Variants in DPF3 observed in about 807,000 individuals in gnomAD.
DPF3 encodes double PHD fingers 3, also known as zinc finger protein DPF3.
DPF3 carries 18 observed loss-of-function variants against 56.8 expected under a neutral mutation model. The ratio of observed to expected loss-of-function variants is 0.32; its 90% CI spans 0.22 to 0.47. The LOEUF (loss-of-function observed/expected upper bound fraction) is 0.47, where lower values mean the gene tolerates loss of function less well. DPF3 is among the 20% of genes least tolerant of loss of function. DPF3 has a pLI of 1.00. For missense variants in DPF3, 403 were observed against 488.8 expected, an observed-to-expected ratio of 0.82 and a Z score of 1.65; for synonymous variants, 188 against 180.2, an observed-to-expected ratio of 1.04 and a Z score of -0.35.
intron 1 of DPF3, among the ~76,000 whole-genome samples, chr14:72,864,059 A>G (rs995168983): frequency 2.6e-5 from 4 of 152,176 alleles, no homozygotes; most frequent in African/African-American, 7.2e-5. Context: ...ATGTTGGTCT[A>G]GGGAGTCTGG....
At chr14:72,717,857 G>T (rs1297136066) in intron 5 of DPF3, among the ~76,000 whole-genome samples, 1 of 152,178 alleles carries the variant, frequency 6.6e-6, no homozygotes, top group Non-Finnish European at 1.5e-5. Context: ...CCCAAGAACT[G>T]CCCACCCTAC....
At chr14:72,828,489 G>C (rs1883910056) in intron 1 of DPF3, among the ~76,000 whole-genome samples, 1 of 138,532 alleles carries the variant, frequency 7.2e-6, no homozygotes, top group Non-Finnish European at 1.5e-5. Context: ...AGTGAGCCAT[G>C]ATGGTGCCAC....
At position 72,731,841 on chromosome 14, in the gene DPF3, T is replaced by C; in HGVS notation, c.395A>G (p.Asp132Gly). 1.9e-6 allele frequency: 3 copies of C among 1,613,380 alleles called. No individual in the cohort carries two copies. The highest frequency in any genetic ancestry group is 2.5e-6 in the Non-Finnish European group (3 of 1,179,702). ...LRGEGVEKKV[D>G]AREEESIQEI... ...CTGGATGCTTTCCTCCTCCCTGGCATCCACCTTCTTCTCAACCCCCTCGCC... is the reference window on the plus strand; with the variant it reads ...CTGGATGCTTTCCTCCTCCCTGGCACCCACCTTCTTCTCAACCCCCTCGCC... The change falls in exon 4 of 11, where the codon GAT becomes GGT. Residue 132 changes from aspartate (D) to glycine (G), a missense_variant. This residue lies in a region of DPF3 where 340 missense variants were observed against 374.3 expected (regional missense o/e 0.91). Coordinates refer to ENST00000556509, the MANE Select transcript of DPF3 (RefSeq NM_001280542.3).
At chr14:72,839,912 A>T (rs1245799397) in intron 1 of DPF3, among the ~76,000 whole-genome samples, 1 of 152,222 alleles carries the variant, frequency 6.6e-6, no homozygotes, top group Non-Finnish European at 1.5e-5. Context: ...GCCCAGCTCC[A>T]GGTGCGATCA....
intron 1 of DPF3, among the ~76,000 whole-genome samples, chr14:72,792,079 C>A (rs1892459351): frequency 6.6e-6 from 1 of 152,228 alleles, no homozygotes; most frequent in African/African-American, 2.4e-5. Context: ...GGGGCTGGAA[C>A]ATGCCCCCCA....
chr14:72,803,043 C>T (rs1599455259), intron 1 of DPF3, among the ~76,000 whole-genome samples: 1 of 152,232 alleles, frequency 6.6e-6, no homozygotes, highest in East Asian at 1.9e-4. Flanking sequence ...AAATACAGGA[C>T]TCCCAGTTAA....
chr14:72,643,171 A>C (rs115901751), intron 8 of DPF3, among the ~76,000 whole-genome samples: 2,004 of 152,330 alleles, frequency 0.013, 40 homozygotes, highest in African/African-American at 0.046. Flanking sequence ...TGGCAACCCA[A>C]TGGCATTTCA....
intron 3 of DPF3, among the ~76,000 whole-genome samples, chr14:72,740,884 C>G (rs144938488): frequency 6.6e-6 from 1 of 152,118 alleles, no homozygotes; most frequent in Admixed American, 6.5e-5. Context: ...TCTAGGTCAT[C>G]TATAGACTGG....
chr14:72,870,066 T>C (rs17781667), intron 1 of DPF3, among the ~76,000 whole-genome samples: 22,161 of 152,152 alleles, frequency 0.15, 2,040 homozygotes, highest in South Asian at 0.22. Context: ...GGAAAAAACT[T>C]TGGACAGTTA....
chr14:72,809,613 C>T lies in DPF3; in HGVS notation c.33-37720G>A, dbSNP rs542434020. ...CTGCATGTGGCTGATGGCAGGTCCT[C>T]GGCGCCTGGTGGAAGAGAAAGGGAA... On this transcript the variant is annotated intron_variant, in intron 1 of 10. Coordinates refer to ENST00000556509, the MANE Select transcript of DPF3 (RefSeq NM_001280542.3). Among the ~76,000 whole-genome samples, 30 of 152,230 alleles carry T rather than the reference C, an allele frequency of 2.0e-4. No homozygotes were observed. In the South Asian group the frequency reaches 5.8e-3, roughly 30 times the overall value.
chr14:72,679,910 G>T (rs1233037936), intron 7 of DPF3, among the ~76,000 whole-genome samples: 1 of 152,252 alleles, frequency 6.6e-6, no homozygotes, highest in South Asian at 2.1e-4. Context: ...ATGAGAGGGT[G>T]GGGAGTAAGG....
At chr14:72,758,646 C>T (rs576577067) in intron 2 of DPF3, among the ~76,000 whole-genome samples, 9 of 152,158 alleles carry the variant, frequency 5.9e-5, no homozygotes, top group African/African-American at 1.9e-4. Context: ...CACAAGGGGG[C>T]GGAAATAGTC....
At chr14:72,737,396 G>A (rs1270882827) in intron 3 of DPF3, among the ~76,000 whole-genome samples, 1 of 152,068 alleles carries the variant, frequency 6.6e-6, no homozygotes, top group Non-Finnish European at 1.5e-5. Context: ...TGGAGCCACC[G>A]AGCTCATTAA....
At chr14:72,882,051 T>G (rs1273342870) in intron 1 of DPF3, among the ~76,000 whole-genome samples, 6 of 151,928 alleles carry the variant, frequency 3.9e-5, no homozygotes, top group South Asian at 2.1e-4. Flanking sequence ...AAGCTTTGGG[T>G]TTTTTTTCTT....
intron 8 of DPF3, among the ~76,000 whole-genome samples, chr14:72,648,569 GAA>G (rs11348282): frequency 0.12 from 11,505 of 92,988 alleles, 523 homozygotes; most frequent in Middle Eastern, 0.2. Flanking sequence ...TCTCAAAAAA[GAA>G]AAAAAAAAAA....
chr14:72,775,158 G>T (rs1036761906), intron 1 of DPF3, among the ~76,000 whole-genome samples: 14 of 151,164 alleles, frequency 9.3e-5, no homozygotes, highest in South Asian at 2.1e-4. Flanking sequence ...CTGACAGACT[G>T]CCAAAAAAAA....
At chr14:72,670,330 A>C (rs569926501) in intron 8 of DPF3, 1 of 986,288 alleles carries the variant, frequency 1.0e-6, no homozygotes, top group Non-Finnish European at 1.2e-6. Context: ...GTGAGGAAAA[A>C]CCAGCAATAA....
chr14:72,687,207 C>T (rs1372369994), intron 7 of DPF3, among the ~76,000 whole-genome samples: 1 of 152,170 alleles, frequency 6.6e-6, no homozygotes, highest in Non-Finnish European at 1.5e-5. Flanking sequence ...TTGCACCAGG[C>T]ATACCACCCT....
At chr14:72,867,635 C>T (rs972601808) in intron 1 of DPF3, among the ~76,000 whole-genome samples, 33 of 152,130 alleles carry the variant, frequency 2.2e-4, no homozygotes, top group African/African-American at 8.0e-4. Context: ...GAAGAGATGC[C>T]CCGCCCTCCA....
Sources: allele counts gnomAD v4.1 joint callset (sites outside exome capture counted in the v4.1 genomes callset), GRCh38; gene constraint gnomAD v4.1.1; regional missense constraint gnomAD v4.1.1; transcripts MANE v1.5; gene names NCBI Gene and HGNC (gene_info 2026-07-23, HGNC 2026-07-21).